The following UBE2E2 variants were observed in gnomAD, a reference collection of about 807,000 sequenced individuals.
The protein encoded by UBE2E2 is ubiquitin-conjugating enzyme E2 E2.
UBE2E2 carries 6 observed loss-of-function variants against 24.7 expected under a neutral mutation model. The observed-to-expected ratio is 0.24, with a 90% CI of 0.13 to 0.48. UBE2E2 has a LOEUF of 0.48. Ranked by LOEUF, UBE2E2 falls within the 20% of genes least tolerant of loss-of-function variation. The pLI is 0.99. For missense variants in UBE2E2, 169 were observed against 245.0 expected (o/e 0.69, Z 2.07); for synonymous variants, 104 against 83.6 (o/e 1.24, Z -1.33).
chr3:23,310,838 C>A (rs1339349438), intron 3 of UBE2E2, among the ~76,000 whole-genome samples: 1 of 152,074 alleles, frequency 6.6e-6, no homozygotes, highest in Non-Finnish European at 1.5e-5. Flanking sequence ...ATAAGGATGT[C>A]ATTATTCCTA....
intron 4 of UBE2E2, among the ~76,000 whole-genome samples, chr3:23,500,336 T>G (rs1699693983): frequency 1.3e-5 from 2 of 152,212 alleles, no homozygotes; most frequent in South Asian, 4.1e-4. Context: ...TGAAAAGTCA[T>G]GTATGTTCAT....
chr3:23,452,712 A>G (rs553902486), intron 3 of UBE2E2, among the ~76,000 whole-genome samples: 1 of 152,312 alleles, frequency 6.6e-6, no homozygotes, highest in East Asian at 1.9e-4. Flanking sequence ...GATGGGAGAA[A>G]GACATTTTAA....
chr3:23,358,206 C>T (rs932710299), intron 3 of UBE2E2, among the ~76,000 whole-genome samples: 6 of 152,090 alleles, frequency 3.9e-5, no homozygotes, highest in African/African-American at 1.4e-4. Context: ...ACTGTAGTTG[C>T]CCTTTGTTTT....
intron 3 of UBE2E2, among the ~76,000 whole-genome samples, chr3:23,340,929 C>G (rs1483212781): frequency 6.6e-6 from 1 of 152,104 alleles, no homozygotes; most frequent in Non-Finnish European, 1.5e-5. Flanking sequence ...TCGTACTCCC[C>G]CCACCAGGAA....
chr3:23,311,734 A>C (rs1357307211), intron 3 of UBE2E2, among the ~76,000 whole-genome samples: 1 of 152,198 alleles, frequency 6.6e-6, no homozygotes, highest in Non-Finnish European at 1.5e-5. Context: ...TATTTATTTA[A>C]ATTTTTTCTT....
At chr3:23,349,552 G>A (rs1410095274) in intron 3 of UBE2E2, among the ~76,000 whole-genome samples, 1 of 152,244 alleles carries the variant, frequency 6.6e-6, no homozygotes, top group Non-Finnish European at 1.5e-5. Context: ...TTTCTGACGG[G>A]CTTAAAAAAC....
chr3:23,259,193 C>A lies in UBE2E2; in HGVS notation c.227+41881C>A, dbSNP rs180831709. Among the ~76,000 whole-genome samples, 16 of 152,262 alleles carry A rather than the reference C, an allele frequency of 1.1e-4. 1 individual carries two copies. In the East Asian group the frequency reaches 2.7e-3, roughly 26 times the overall value. ...GGCAGTCTTCCCACATCCAGTGAGG[C>A]CCCCTAAATCACTGTCTACTTCCTT... On this transcript the variant is annotated intron_variant, in intron 3 of 5. Transcript: ENST00000396703.
chr3:23,223,462 G>A (rs897185310), intron 3 of UBE2E2, among the ~76,000 whole-genome samples: 8 of 152,136 alleles, frequency 5.3e-5, no homozygotes, highest in Non-Finnish European at 8.8e-5. Flanking sequence ...CAAAGTGCTA[G>A]TATTACAGGC....
At chr3:23,587,036 G>A (rs1389369666) in intron 5 of UBE2E2, among the ~76,000 whole-genome samples, 1 of 151,638 alleles carries the variant, frequency 6.6e-6, no homozygotes, top group African/African-American at 2.4e-5. Flanking sequence ...CTTGCATATT[G>A]TCTGAGGTGG....
At chr3:23,567,716 C>T (rs1696110445) in intron 5 of UBE2E2, among the ~76,000 whole-genome samples, 1 of 152,134 alleles carries the variant, frequency 6.6e-6, no homozygotes, top group Non-Finnish European at 1.5e-5. Context: ...TCTGGAAGAA[C>T]CTGCCACCAC....
intron 3 of UBE2E2, among the ~76,000 whole-genome samples, chr3:23,356,286 A>T (rs1695948069): frequency 6.6e-6 from 1 of 152,244 alleles, no homozygotes; most frequent in South Asian, 2.1e-4. Flanking sequence ...ACAGGGCTAC[A>T]GGGCAATAAA....
chr3:23,365,690 A>G (rs1193574004), intron 3 of UBE2E2, among the ~76,000 whole-genome samples: 1 of 152,216 alleles, frequency 6.6e-6, no homozygotes, highest in Admixed American at 6.5e-5. Context: ...CATACCACCC[A>G]AAGCAGTCTA....
chr3:23,497,002 TCTTACAATA>T (rs1253462495), intron 3 of UBE2E2, among the ~76,000 whole-genome samples: 2 of 152,212 alleles, frequency 1.3e-5, no homozygotes, highest in Non-Finnish European at 2.9e-5. Context: ...TATGCTGTAT[TCTTACAATA>T]AAGTAAGCTA....
At chr3:23,274,474 G>A (rs768016260) in intron 3 of UBE2E2, among the ~76,000 whole-genome samples, 6 of 151,900 alleles carry the variant, frequency 3.9e-5, no homozygotes, top group African/African-American at 7.2e-5. Flanking sequence ...TCCTATCTCC[G>A]TCTCCCAAGT....
At chr3:23,527,769 C>G (rs1056669338) in intron 4 of UBE2E2, among the ~76,000 whole-genome samples, 1 of 152,120 alleles carries the variant, frequency 6.6e-6, no homozygotes, top group Non-Finnish European at 1.5e-5. Context: ...TTGCTGAACT[C>G]ATGGAGGTTG....
Position 23,251,509 on chromosome 3 carries a change from T to C in UBE2E2, c.227+34197T>C, listed in dbSNP as rs138023460. 6.6e-4 allele frequency among the ~76,000 whole-genome samples: 100 copies of C among 152,330 alleles called. 5 individuals carry two copies. The East Asian group carries it at 0.016, about 24-fold the overall frequency. ...CAGCCTCTCTGTAATTTTAAAAACATGCAGTCTTGGAAACTTAAGAAAGTT... is the reference window on the plus strand; with the variant it reads ...CAGCCTCTCTGTAATTTTAAAAACACGCAGTCTTGGAAACTTAAGAAAGTT... On this transcript the variant is annotated intron_variant, in intron 3 of 5. Coordinates refer to ENST00000396703, the MANE Select transcript of UBE2E2 (RefSeq NM_152653.4).
intron 3 of UBE2E2, among the ~76,000 whole-genome samples, chr3:23,417,194 A>C (rs1697660265): frequency 6.6e-6 from 1 of 151,992 alleles, no homozygotes. Flanking sequence ...GGATTTACCT[A>C]CCTTTGTTCT....
At chr3:23,420,444 G>A (rs181800744) in intron 3 of UBE2E2, among the ~76,000 whole-genome samples, 213 of 152,296 alleles carry the variant, frequency 1.4e-3, no homozygotes, top group Non-Finnish European at 2.3e-3. Context: ...TTCATAGTTT[G>A]AATGACATAT....
chr3:23,417,804 A>G (rs1697678288), intron 3 of UBE2E2, among the ~76,000 whole-genome samples: 1 of 152,172 alleles, frequency 6.6e-6, no homozygotes, highest in African/African-American at 2.4e-5. Context: ...GCGCTTTGCA[A>G]GCTGTGGTGG....
Sources: gnomAD v4.1 joint callset for allele counts (sites outside exome capture counted in the v4.1 genomes callset) on GRCh38, gnomAD v4.1.1 for gene constraint, MANE v1.5 for transcripts, NCBI Gene and HGNC (gene_info 2026-07-23, HGNC 2026-07-21) for gene names.